PCDHA9: variants seen among roughly 807,000 people sequenced by gnomAD.
PCDHA9 encodes protocadherin alpha 9, also known as protocadherin alpha-9.
In PCDHA9, 62 loss-of-function variants were observed where a neutral mutation model predicts 62.0. That is an observed-to-expected ratio of 1.00 (90% CI 0.81 to 1.23). PCDHA9 has a LOEUF of 1.23. Among genes scored for constraint, PCDHA9 ranks in the 50% most tolerant of loss-of-function variants. The pLI is 0.00. For synonymous variants in PCDHA9, 557 were observed against 567.6 expected (o/e 0.98, Z 0.27); for missense variants, 1,205 against 1,249.8 (o/e 0.96, Z 0.54).
At chr5:140,946,151 C>T (rs943826321) in intron 1 of PCDHA9, among the ~76,000 whole-genome samples, 6 of 151,694 alleles carry the variant, frequency 4.0e-5, no homozygotes, top group East Asian at 1.9e-4. Context: ...ACAAATAACA[C>T]GATTTAAAAG....
chr5:140,868,999 T>A (rs976594778), intron 1 of PCDHA9: 72 of 1,518,578 alleles, frequency 4.7e-5, no homozygotes, highest in African/African-American at 4.5e-4. Flanking sequence ...CGTTTAAGGA[T>A]CCTTTGAAAC....
chr5:140,870,880 G>A (rs782304708), intron 1 of PCDHA9: 1 of 1,613,948 alleles, frequency 6.2e-7, no homozygotes, highest in African/African-American at 1.3e-5. Flanking sequence ...GGTGGCGAAG[G>A]TGCGCGCAGT....
chr5:140,855,643 A>G (rs1205505162), intron 1 of PCDHA9, among the ~76,000 whole-genome samples: 1 of 149,878 alleles, frequency 6.7e-6, no homozygotes, highest in East Asian at 1.9e-4. Flanking sequence ...ATTGATAATC[A>G]TGTGGTTAGG....
chr5:140,889,583 G>C (rs1373487919), intron 1 of PCDHA9, among the ~76,000 whole-genome samples: 1 of 151,554 alleles, frequency 6.6e-6, no homozygotes, highest in African/African-American at 2.4e-5. Context: ...TTTTGTTTTT[G>C]CTTTGAAATA....
At chr5:140,874,212 T>C (rs1199574859) in intron 1 of PCDHA9, among the ~76,000 whole-genome samples, 1 of 152,252 alleles carries the variant, frequency 6.6e-6, no homozygotes, top group Non-Finnish European at 1.5e-5. Context: ...TTTATTATTA[T>C]ATGCAGTAGG....
chr5:140,925,498 A>G (rs1268906717), intron 1 of PCDHA9, among the ~76,000 whole-genome samples: 1 of 152,124 alleles, frequency 6.6e-6, no homozygotes, highest in East Asian at 1.9e-4. Flanking sequence ...CACTGTCCCA[A>G]TATCCACGCA....
At position 140,852,924 on chromosome 5, in the gene PCDHA9, G is replaced by C. The variant is rs1007993116; in HGVS notation, c.2394+2035G>C. On this transcript the variant is annotated intron_variant, in intron 1 of 3. Coordinates refer to ENST00000532602, the MANE Select transcript of PCDHA9 (RefSeq NM_031857.2). ...GTCAGAGTCTCGCTCTGTTGCCCAG[G>C]CTGGAGTGCAGTGGTGCCATCTTGG... The C allele has an allele frequency of 2.7e-5, 19 of 707,974 alleles. 2 individuals are homozygous for C. Among genetic ancestry groups the C allele is most frequent in the Admixed American group, 2.6e-4 (4 of 15,396 alleles). The allele number at this position is 707,974 out of a possible 1,614,324, so 43.9% of individuals were successfully genotyped here.
intron 1 of PCDHA9, chr5:140,884,580 C>G: frequency 6.2e-7 from 1 of 1,614,150 alleles, no homozygotes; most frequent in Non-Finnish European, 8.5e-7. Context: ...GACCTCATGG[C>G]CTTCAGTCCC....
intron 1 of PCDHA9, among the ~76,000 whole-genome samples, chr5:140,881,717 G>A (rs374516377): frequency 2.6e-5 from 4 of 152,160 alleles, no homozygotes; most frequent in African/African-American, 9.7e-5. Flanking sequence ...GTGTGAGGAG[G>A]TCTTGAAAAA....
chr5:140,856,362 T>A, intron 1 of PCDHA9: 3 of 1,598,570 alleles, frequency 1.9e-6, no homozygotes, highest in Non-Finnish European at 2.6e-6. Flanking sequence ...AGCATCCACC[T>A]GGAGGTGATC....
rs187345731 is a variant in PCDHA9, at chr5:140,885,533, C to T, written c.2394+34644C>T. Among the ~76,000 whole-genome samples, 472 of 152,120 alleles carry T rather than the reference C, an allele frequency of 3.1e-3. 3 individuals carry two copies. Among genetic ancestry groups the T allele is most frequent in the Middle Eastern group, 0.014 (4 of 294 alleles). On this transcript the variant is annotated intron_variant, in intron 1 of 3. Coordinates refer to ENST00000532602, the MANE Select transcript of PCDHA9 (RefSeq NM_031857.2). Reference sequence around the variant, plus strand: ...CTGTGCTATCATTTCATATATTTCCCAAAATATTGGTGTTATTTCTACGAA... The same window carrying T: ...CTGTGCTATCATTTCATATATTTCCTAAAATATTGGTGTTATTTCTACGAA...
At chr5:140,938,190 C>T (rs2091964057) in intron 1 of PCDHA9, among the ~76,000 whole-genome samples, 1 of 152,212 alleles carries the variant, frequency 6.6e-6, no homozygotes. Flanking sequence ...AAGCAATCCT[C>T]CCACGCCAGC....
At chr5:140,999,143 A>G (rs2097848811) in intron 3 of PCDHA9, among the ~76,000 whole-genome samples, 1 of 152,214 alleles carries the variant, frequency 6.6e-6, no homozygotes, top group Non-Finnish European at 1.5e-5. Context: ...CACAGCCGGA[A>G]GTCTTCAGTC....
Position 140,884,585 on chromosome 5 carries a change from A to G in PCDHA9, c.2394+33696A>G, listed in dbSNP as rs2060279044. 1.9e-6 allele frequency: 3 copies of G among 1,614,072 alleles called. No individual in the cohort carries two copies. The South Asian group carries it at 3.3e-5, about 18-fold the overall frequency. On this transcript the variant is annotated intron_variant, in intron 1 of 3. Coordinates refer to ENST00000532602, the MANE Select transcript of PCDHA9 (RefSeq NM_031857.2). ...GCATAAGACGGACCTCATGGCCTTC[A>G]GTCCCAGCCTTCCTCCTTGTCTGGG...
intron 3 of PCDHA9, among the ~76,000 whole-genome samples, chr5:140,997,260 T>G (rs1364203100): frequency 6.6e-6 from 1 of 152,196 alleles, no homozygotes; most frequent in Admixed American, 6.5e-5. Flanking sequence ...GGTTCACTCT[T>G]CCAAATATTT....
chr5:140,850,690 G>C lies in PCDHA9; in HGVS notation c.2195G>C (p.Cys732Ser), dbSNP rs2150494322. 3.8e-6 allele frequency: 6 copies of C among 1,598,286 alleles called. No homozygotes were observed. The highest frequency in any genetic ancestry group is 1.7e-5 in the Admixed American group (1 of 59,272). ...TCGGCGATGCCCACCGAGGGCGAGT[G>C]CGCGCCTGGCAAGCCGACGCTGGTG... The part of the protein sequence containing the change: ...RCSAMPTEGE[C>S]APGKPTLVCS... Residue 732 changes from cysteine to serine, a missense_variant, in exon 1 of 4, where the codon TGC (cysteine) becomes TCC (serine). Cys to Ser is a moderately radical substitution (Grantham distance 112). Around this residue, in one of 3 missense-constraint regions of PCDHA9, gnomAD observed 887 missense variants for 809.5 expected, o/e 1.10. Transcript: ENST00000532602.
intron 1 of PCDHA9, chr5:140,883,813 C>CA (rs2059834466): frequency 6.2e-7 from 1 of 1,612,382 alleles, no homozygotes; most frequent in Non-Finnish European, 8.5e-7. Context: ...CGGAGAGCGG[C>CA]AAGGTGTACG....
chr5:140,912,897 G>A (rs782442093), intron 1 of PCDHA9, among the ~76,000 whole-genome samples: 5 of 152,172 alleles, frequency 3.3e-5, no homozygotes, highest in Non-Finnish European at 5.9e-5. Context: ...TTGATATGAT[G>A]TATCATATTG....
intron 1 of PCDHA9, among the ~76,000 whole-genome samples, chr5:140,924,932 AAAAT>A (rs2082199458): frequency 7.6e-6 from 1 of 131,842 alleles, no homozygotes; most frequent in East Asian, 2.6e-4. Flanking sequence ...AAAATAAAAT[AAAAT>A]AAAAAGTTAA....
Sources: allele counts gnomAD v4.1 joint callset (sites outside exome capture counted in the v4.1 genomes callset), GRCh38; gene constraint gnomAD v4.1.1; regional missense constraint gnomAD v4.1.1; transcripts MANE v1.5; gene names NCBI Gene and HGNC (gene_info 2026-07-23, HGNC 2026-07-21).